The following PCDHGA11 variants were observed in gnomAD, a reference collection of about 807,000 sequenced individuals.
The protein encoded by PCDHGA11 is protocadherin gamma-A11.
PCDHGA11 carries 39 observed loss-of-function variants against 60.4 expected under a neutral mutation model. The observed-to-expected ratio is 0.65, with a 90% CI of 0.50 to 0.84. The LOEUF (loss-of-function observed/expected upper bound fraction) is 0.84, where lower values mean the gene tolerates loss of function less well. Among genes scored for constraint, PCDHGA11 ranks in the 40% least tolerant of loss-of-function variants. The probability of loss-of-function intolerance (pLI) is 0.00; values close to 1 mark genes in which losing one functional copy is unlikely to be tolerated. For synonymous variants in PCDHGA11, 533 were observed against 510.3 expected, an observed-to-expected ratio of 1.04 and a Z score of -0.60; for missense variants, 1,165 against 1,197.7, an observed-to-expected ratio of 0.97 and a Z score of 0.40.
At chr5:141,443,209 C>T (rs1183847804) in intron 1 of PCDHGA11, among the ~76,000 whole-genome samples, 2 of 152,030 alleles carry the variant, frequency 1.3e-5, no homozygotes, top group African/African-American at 2.4e-5. Flanking sequence ...GAGCTTGTCT[C>T]GCCAGGCGCA....
intron 1 of PCDHGA11, among the ~76,000 whole-genome samples, chr5:141,466,704 T>C (rs1175063183): frequency 6.6e-6 from 1 of 152,202 alleles, no homozygotes; most frequent in Admixed American, 6.5e-5. Context: ...AAATTTGATG[T>C]CTGTTCTTGT....
Position 141,485,666 on chromosome 5 carries a change from A to C in PCDHGA11, c.2434-9141A>C. 1.2e-6 allele frequency: 2 copies of C among 1,612,786 alleles called. No homozygotes were observed. Among genetic ancestry groups the C allele is most frequent in the Non-Finnish European group, 1.7e-6 (2 of 1,178,960 alleles). ...GGCTCAGGATGCAGATGTGGGGAGCAATTCGATTAGCAGCTATAGGCTGAG... is the reference window on the plus strand; with the variant it reads ...GGCTCAGGATGCAGATGTGGGGAGCCATTCGATTAGCAGCTATAGGCTGAG... On this transcript the variant is annotated intron_variant, in intron 1 of 3. Transcript: ENST00000398587. This position sits in a 1 kb window ranked among gnomAD's most constrained non-coding sequence, Gnocchi z 5.7.
chr5:141,448,323 A>G (rs2098582223), intron 1 of PCDHGA11, among the ~76,000 whole-genome samples: 1 of 152,080 alleles, frequency 6.6e-6, no homozygotes, highest in Non-Finnish European at 1.5e-5. Flanking sequence ...TTTTCTTTGA[A>G]TCTTTATAGC....
At chr5:141,464,056 G>C (rs2154568334) in intron 1 of PCDHGA11, among the ~76,000 whole-genome samples, 1 of 152,210 alleles carries the variant, frequency 6.6e-6, no homozygotes, top group East Asian at 1.9e-4. Context: ...CCTGAGGTCA[G>C]GAGTTCAAGG....
chr5:141,475,577 T>C (rs2099365697), intron 1 of PCDHGA11, among the ~76,000 whole-genome samples: 1 of 152,228 alleles, frequency 6.6e-6, no homozygotes, highest in Non-Finnish European at 1.5e-5. Context: ...ACAAGCCAGA[T>C]TTGTTGGTGT....
chr5:141,431,670 T>C lies in PCDHGA11; in HGVS notation c.2433+8010T>C, dbSNP rs767342240. 1 of 1,614,070 alleles carries C rather than the reference T, an allele frequency of 6.2e-7. No homozygotes were observed. The highest frequency in any genetic ancestry group is 8.5e-7 in the Non-Finnish European group (1 of 1,180,026). On this transcript the variant is annotated intron_variant, in intron 1 of 3. Coordinates refer to ENST00000398587, the MANE Select transcript of PCDHGA11 (RefSeq NM_018914.3). This position sits in a 1 kb window ranked among gnomAD's most constrained non-coding sequence, Gnocchi z 4.8. ...TGTAATTCAGGGACAATATCAACAATAGGGGAGTTGGACCACGAGGAGTCA... is the reference window on the plus strand; with the variant it reads ...TGTAATTCAGGGACAATATCAACAACAGGGGAGTTGGACCACGAGGAGTCA...
rs530054362 is a variant in PCDHGA11 at position 141,486,066 on chromosome 5, C to G, written c.2434-8741C>G. ...AGAAACCTCTTTAGCCTGCACCCCACTACTGGAAAGCTTACTCTTTTGGGG... is the reference window on the plus strand; with the variant it reads ...AGAAACCTCTTTAGCCTGCACCCCAGTACTGGAAAGCTTACTCTTTTGGGG... On this transcript the variant is annotated intron_variant, in intron 1 of 3. Coordinates refer to ENST00000398587, the MANE Select transcript of PCDHGA11 (RefSeq NM_018914.3). This position sits in a 1 kb window ranked among gnomAD's most constrained non-coding sequence, Gnocchi z 5.0. The G allele has an allele frequency of 3.1e-6, 5 of 1,614,166 alleles. No homozygotes were observed. In the African/African-American group the frequency reaches 5.3e-5, roughly 17 times the overall value.
chr5:141,432,611 T>C lies in PCDHGA11; in HGVS notation c.2433+8951T>C, dbSNP rs141541670. On this transcript the variant is annotated intron_variant, in intron 1 of 3. Transcript: ENST00000398587. This position sits in a 1 kb window ranked among gnomAD's most constrained non-coding sequence, Gnocchi z 6.0. ...CAAGGCCAGCGAGCCGGGACTCTTC[T>C]CGGTGGGTCTGCACACGGGCGAGGT... The C allele has an allele frequency of 2.5e-6, 4 of 1,613,860 alleles. No homozygotes were observed. In the South Asian group the frequency reaches 4.4e-5, roughly 18 times the overall value.
In PCDHGA11 at chr5:141,432,647, C is replaced by T; in HGVS notation, c.2433+8987C>T. On this transcript the variant is annotated intron_variant, in intron 1 of 3. Coordinates refer to ENST00000398587, the MANE Select transcript of PCDHGA11 (RefSeq NM_018914.3). This position sits in a 1 kb window ranked among gnomAD's most constrained non-coding sequence, Gnocchi z 6.0. ...GCACACGGGCGAGGTGCGCACGGCG[C>T]GAGCCCTGCTGGACAGAGACGCGCT... 3 of 1,613,796 alleles carry T rather than the reference C, an allele frequency of 1.9e-6. No homozygotes were observed. Among genetic ancestry groups the T allele is most frequent in the Admixed American group, 1.7e-5 (1 of 60,008 alleles).
intron 1 of PCDHGA11, among the ~76,000 whole-genome samples, chr5:141,451,391 T>C (rs928399948): frequency 6.6e-6 from 1 of 152,162 alleles, no homozygotes; most frequent in Non-Finnish European, 1.5e-5. Context: ...ACATAGTTAA[T>C]GGCAAAATTA....
chr5:141,487,709 A>G lies in PCDHGA11; in HGVS notation c.2434-7098A>G. On this transcript the variant is annotated intron_variant, in intron 1 of 3. Coordinates refer to ENST00000398587, the MANE Select transcript of PCDHGA11 (RefSeq NM_018914.3). This position sits in a 1 kb window ranked among gnomAD's most constrained non-coding sequence, Gnocchi z 5.0. ...CCTAGAGAGTACTGGCCTCTCAGTA[A>G]GTGCCCATAGTGATGTCACCATTTT... is the stretch of plus-strand genomic sequence containing the variant. 6.3e-7 allele frequency: 1 copy of G among 1,586,184 alleles called. No individual in the cohort carries two copies. Among genetic ancestry groups the G allele is most frequent in the South Asian group, 1.1e-5 (1 of 87,958 alleles).
chr5:141,480,239 A>C (rs1320132415), intron 1 of PCDHGA11, among the ~76,000 whole-genome samples: 4 of 136,218 alleles, frequency 2.9e-5, no homozygotes, highest in African/African-American at 1.1e-4. Context: ...TCCTGTCTCT[A>C]CAAAAAAAAA....
chr5:141,480,827 A>G (rs1455065731), intron 1 of PCDHGA11, among the ~76,000 whole-genome samples: 2 of 152,212 alleles, frequency 1.3e-5, no homozygotes, highest in Admixed American at 6.5e-5. Context: ...TGGGTGGATC[A>G]TAAGATCAGG....
intron 1 of PCDHGA11, among the ~76,000 whole-genome samples, chr5:141,474,672 T>C (rs1203448521): frequency 2.0e-5 from 3 of 152,228 alleles, no homozygotes; most frequent in Non-Finnish European, 4.4e-5. Flanking sequence ...ACCTAACCTA[T>C]GTGCCTACCC....
intron 1 of PCDHGA11, chr5:141,478,628 T>G (rs1245431927): frequency 6.4e-7 from 1 of 1,553,704 alleles, no homozygotes; most frequent in African/African-American, 1.4e-5. Context: ...GAGCTGTTTT[T>G]TTAGTGATGA....
chr5:141,506,471 C>T (rs2099854191), intron 3 of PCDHGA11, among the ~76,000 whole-genome samples: 2 of 148,834 alleles, frequency 1.3e-5, no homozygotes, highest in African/African-American at 5.0e-5. Flanking sequence ...AAAAAGAGCA[C>T]AGGCTTTAGA....
Position 141,476,944 on chromosome 5 carries a change from C to T in PCDHGA11, c.2434-17863C>T, listed in dbSNP as rs1360022622. The T allele has an allele frequency of 3.3e-5, 53 of 1,614,072 alleles. No homozygotes were observed. The highest frequency in any genetic ancestry group is 4.1e-5 in the Non-Finnish European group (48 of 1,180,052). ...CAACGGATCTGGATGAAGGCCCCAACGGTGAAATTATTTACTCCTTCGGCA... is the reference window on the plus strand; with the variant it reads ...CAACGGATCTGGATGAAGGCCCCAATGGTGAAATTATTTACTCCTTCGGCA... On this transcript the variant is annotated intron_variant, in intron 1 of 3. Transcript: ENST00000398587. The surrounding 1 kb of genome is among the most constrained non-coding windows in gnomAD (Gnocchi z 7.6).
Position 141,491,531 on chromosome 5 carries a change from T to G in PCDHGA11, c.2434-3276T>G, listed in dbSNP as rs532897059. On this transcript the variant is annotated intron_variant, in intron 1 of 3. Coordinates refer to ENST00000398587, the MANE Select transcript of PCDHGA11 (RefSeq NM_018914.3). This position sits in a 1 kb window ranked among gnomAD's most constrained non-coding sequence, Gnocchi z 6.9. ...ACGCTCAAGTACATGGAGGTGACGC[T>G]GCGGCCCACAGACTCGCAGAGCCAC... The G allele has an allele frequency of 6.2e-7, 1 of 1,614,044 alleles. No homozygotes were observed. The highest frequency in any genetic ancestry group is 1.7e-5 in the Admixed American group (1 of 60,028).
Position 141,491,306 on chromosome 5 carries a change from A to G in PCDHGA11, c.2434-3501A>G. ...CTCATACACCCTCCTGAGCGTTCAGACCTTACCCTTTACCTCATTGTGGCT... is the reference window on the plus strand; with the variant it reads ...CTCATACACCCTCCTGAGCGTTCAGGCCTTACCCTTTACCTCATTGTGGCT... On this transcript the variant is annotated intron_variant, in intron 1 of 3. Coordinates refer to ENST00000398587, the MANE Select transcript of PCDHGA11 (RefSeq NM_018914.3). This position sits in a 1 kb window ranked among gnomAD's most constrained non-coding sequence, Gnocchi z 6.9. 1 of 1,614,032 alleles carries G rather than the reference A, an allele frequency of 6.2e-7. No individual in the cohort carries two copies. The highest frequency in any genetic ancestry group is 2.2e-5 in the East Asian group (1 of 44,872).
Sources: allele counts gnomAD v4.1 joint callset (sites outside exome capture counted in the v4.1 genomes callset), GRCh38; gene constraint gnomAD v4.1.1; non-coding constraint Gnocchi (gnomAD v3.1); transcripts MANE v1.5; gene names NCBI Gene and HGNC (gene_info 2026-07-23, HGNC 2026-07-21).